The following SLC4A4 variants were observed in gnomAD, a reference collection of about 807,000 sequenced individuals.
SLC4A4 encodes the protein solute carrier family 4 member 4.
In SLC4A4, 27 loss-of-function variants were observed where a neutral mutation model predicts 111.5. The ratio of observed to expected loss-of-function variants is 0.24; its 90% CI spans 0.18 to 0.33. The LOEUF is 0.33. SLC4A4 is among the 10% of genes least tolerant of loss of function. SLC4A4 has a pLI of 1.00. For synonymous variants in SLC4A4, 443 were observed against 463.4 expected (o/e 0.96, Z 0.57); for missense variants, 909 against 1,315.5 (o/e 0.69, Z 4.78).
intron 16 of SLC4A4, among the ~76,000 whole-genome samples, chr4:71,517,401 T>G (rs2149186033): frequency 6.6e-6 from 1 of 152,208 alleles, no homozygotes; most frequent in South Asian, 2.1e-4. Flanking sequence ...TTAATTTTCT[T>G]AATTATATTT....
intron 1 of SLC4A4, among the ~76,000 whole-genome samples, chr4:71,206,801 T>G (rs10938137): frequency 0.12 from 18,085 of 150,410 alleles, 1,763 homozygotes; most frequent in African/African-American, 0.25. Flanking sequence ...TCATTTTGAT[T>G]ATTATTATTA....
intron 4 of SLC4A4, among the ~76,000 whole-genome samples, chr4:71,344,053 T>G (rs1182356899): frequency 6.6e-6 from 1 of 152,128 alleles, no homozygotes; most frequent in Non-Finnish European, 1.5e-5. Flanking sequence ...CTTTCATTAT[T>G]TTTGTCCTTA....
intron 18 of SLC4A4, among the ~76,000 whole-genome samples, chr4:71,535,617 G>A (rs1482441897): frequency 2.0e-5 from 3 of 152,084 alleles, no homozygotes; most frequent in African/African-American, 4.8e-5. Context: ...CTGGTGAACT[G>A]AAAGTATCAC....
intron 16 of SLC4A4, among the ~76,000 whole-genome samples, chr4:71,500,644 G>T (rs1238936890): frequency 2.0e-5 from 3 of 152,206 alleles, no homozygotes; most frequent in Non-Finnish European, 2.9e-5. Context: ...ATTGATTATT[G>T]TATATGGTAT....
At chr4:71,288,729 G>T (rs567467260) in intron 3 of SLC4A4, among the ~76,000 whole-genome samples, 1 of 152,072 alleles carries the variant, frequency 6.6e-6, no homozygotes, top group African/African-American at 2.4e-5. Flanking sequence ...GGCTTTGAAG[G>T]GTGTTGTGAG....
At chr4:71,485,752 T>G (rs1331462883) in intron 14 of SLC4A4, among the ~76,000 whole-genome samples, 1 of 151,576 alleles carries the variant, frequency 6.6e-6, no homozygotes, top group Non-Finnish European at 1.5e-5. Flanking sequence ...TCTTGTTTTT[T>G]TTCTTCCCCA....
chr4:71,266,119 G>A (rs1722240634), intron 3 of SLC4A4, among the ~76,000 whole-genome samples: 1 of 152,156 alleles, frequency 6.6e-6, no homozygotes, highest in African/African-American at 2.4e-5. Flanking sequence ...CAAATCCAAG[G>A]CTGTCCTCTT....
In SLC4A4 at chr4:71,329,363, A is replaced by G. The variant is rs533956916; in HGVS notation, c.254-10007A>G. On this transcript the variant is annotated intron_variant, in intron 3 of 25. Coordinates refer to ENST00000264485, the MANE Select transcript of SLC4A4 (RefSeq NM_001098484.3). ...TTTTTCTATTTCTGTGAAGAATGTC[A>G]TTGGTATTTTGATAGGGATTGCATT... Among the ~76,000 whole-genome samples the G allele has an allele frequency of 2.0e-5, 3 of 152,040 alleles. No individual in the cohort carries two copies. In the East Asian group the frequency reaches 5.8e-4, roughly 29 times the overall value.
chr4:71,208,274 C>T (rs1717903764), intron 1 of SLC4A4, among the ~76,000 whole-genome samples: 2 of 151,724 alleles, frequency 1.3e-5, no homozygotes, highest in South Asian at 4.1e-4. Context: ...ACTAAAAATA[C>T]AAAAAAATTT....
intron 2 of SLC4A4, among the ~76,000 whole-genome samples, chr4:71,152,679 T>G (rs1744340498): frequency 6.6e-6 from 1 of 152,144 alleles, no homozygotes; most frequent in African/African-American, 2.4e-5. Context: ...AAGGACATTC[T>G]TACACATCTC....
At position 71,450,656 on chromosome 4, in the gene SLC4A4, T is replaced by G; in HGVS notation, c.1208+113T>G. ...TTGTTCTAATATTTTCAGGTTCCTG[T>G]TTAACTTGATGTATTTTCTCAAATG... On this transcript the variant is annotated intron_variant, in intron 10 of 25. Coordinates refer to ENST00000264485, the MANE Select transcript of SLC4A4 (RefSeq NM_001098484.3). 5 of 1,004,096 alleles carry G rather than the reference T, an allele frequency of 5.0e-6. No homozygotes were observed. In the South Asian group the frequency reaches 7.3e-5, roughly 15 times the overall value. The allele number at this position is 1,004,096 out of a possible 1,614,324, so 62.2% of individuals were successfully genotyped here. A position where few individuals can be genotyped will look rare whatever the true frequency, so the allele number is the denominator to read the frequency against.
chr4:71,419,931 C>T (rs1722250818), intron 7 of SLC4A4, among the ~76,000 whole-genome samples: 1 of 152,180 alleles, frequency 6.6e-6, no homozygotes, highest in Admixed American at 6.5e-5. Context: ...AAGCAGAGCA[C>T]CTCTCCTCCT....
chr4:71,518,228 G>C (rs1438851152), intron 16 of SLC4A4, among the ~76,000 whole-genome samples: 2 of 152,136 alleles, frequency 1.3e-5, no homozygotes, highest in African/African-American at 4.8e-5. Context: ...TTGTATGGGT[G>C]CTTGCCTGGA....
rs1553957363 is a variant in SLC4A4, at chr4:71,156,597, C to CACACATAT, written c.-2+63810_-2+63811insTATACACA. ...ATGCGCGCGCGCGCGCGCACACACA[C>CACACATAT]ACACACACACACACACATACACATT... is the stretch of plus-strand genomic sequence containing the variant. On this transcript the variant is annotated intron_variant, in intron 2 of 26. Transcript: ENST00000649996. Among the ~76,000 whole-genome samples, 4 of 150,466 alleles carry CACACATAT rather than the reference C, an allele frequency of 2.7e-5. No homozygotes were observed. In the South Asian group the frequency reaches 6.3e-4, roughly 24 times the overall value.
chr4:71,376,186 C>CAA (rs1732363531), intron 6 of SLC4A4, among the ~76,000 whole-genome samples: 2 of 150,066 alleles, frequency 1.3e-5, no homozygotes, highest in Non-Finnish European at 3.0e-5. Context: ...CACACACACA[C>CAA]ACACACATAT....
intron 2 of SLC4A4, among the ~76,000 whole-genome samples, chr4:71,162,191 T>G (rs1344488293): frequency 2.6e-5 from 4 of 152,172 alleles, no homozygotes; most frequent in African/African-American, 9.7e-5. Flanking sequence ...CTGTAAATTG[T>G]GTCTTTGCAT....
intron 3 of SLC4A4, among the ~76,000 whole-genome samples, chr4:71,327,541 G>A (rs956930889): frequency 3.9e-5 from 6 of 151,966 alleles, no homozygotes; most frequent in Non-Finnish European, 8.8e-5. Context: ...CTATTTCATA[G>A]ACTTGTGTAA....
At chr4:71,241,641 A>G (rs550842757) in intron 2 of SLC4A4, among the ~76,000 whole-genome samples, 32 of 152,286 alleles carry the variant, frequency 2.1e-4, no homozygotes, top group African/African-American at 4.6e-4. Context: ...AGCGCTGGAT[A>G]TAAGTGTCCG....
intron 4 of SLC4A4, among the ~76,000 whole-genome samples, chr4:71,347,889 A>AT (rs1729468430): frequency 6.6e-6 from 1 of 152,162 alleles, no homozygotes; most frequent in Non-Finnish European, 1.5e-5. Flanking sequence ...GAAAATAAGC[A>AT]TACTCTTAGG....
Sources: gnomAD v4.1 joint callset for allele counts (sites outside exome capture counted in the v4.1 genomes callset) on GRCh38, gnomAD v4.1.1 for gene constraint, MANE v1.5 for transcripts, NCBI Gene and HGNC (gene_info 2026-07-23, HGNC 2026-07-21) for gene names.